CAMK1D: variants seen among roughly 807,000 people sequenced by gnomAD.
CAMK1D encodes the protein calcium/calmodulin dependent protein kinase ID, also known as calcium/calmodulin-dependent protein kinase type 1D.
In CAMK1D, 9 loss-of-function variants were observed where a neutral mutation model predicts 47.7. That is an observed-to-expected ratio of 0.19 (90% CI 0.11 to 0.33). The LOEUF (loss-of-function observed/expected upper bound fraction) is 0.33. Ranked by LOEUF, CAMK1D falls within the 10% of genes least tolerant of loss-of-function variation. CAMK1D has a pLI of 1.00. For synonymous variants in CAMK1D, 184 were observed against 184.9 expected, an observed-to-expected ratio of 0.99 and a Z score of 0.04; for missense variants, 291 against 488.7, an observed-to-expected ratio of 0.60 and a Z score of 3.81.
intron 1 of CAMK1D, among the ~76,000 whole-genome samples, chr10:12,536,255 C>G (rs1005867716): frequency 1.3e-5 from 2 of 151,668 alleles, no homozygotes; most frequent in African/African-American, 4.8e-5. Flanking sequence ...AGTTATGGAT[C>G]TAGCCATACT....
At chr10:12,406,985 A>G (rs1397316083) in intron 1 of CAMK1D, among the ~76,000 whole-genome samples, 1 of 152,134 alleles carries the variant, frequency 6.6e-6, no homozygotes, top group East Asian at 1.9e-4. Context: ...TTTCTAGGGA[A>G]GGCTCCCTCT....
chr10:12,824,617 G>A (rs1469739415), intron 9 of CAMK1D, 65 bp downstream of exon 9: 3 of 1,286,114 alleles, frequency 2.3e-6, no homozygotes, highest in Admixed American at 3.7e-5. Context: ...CCTCCAATCT[G>A]AGCATTTCTG....
intron 2 of CAMK1D, 26 bp from the exon 3 acceptor site, chr10:12,666,710 T>C: frequency 6.3e-7 from 1 of 1,582,272 alleles, no homozygotes; most frequent in Non-Finnish European, 8.7e-7. Context: ...ATACTCACTA[T>C]TTTGTGCGTC....
intron 1 of CAMK1D, among the ~76,000 whole-genome samples, chr10:12,546,628 C>A (rs1414883201): frequency 6.6e-6 from 1 of 151,894 alleles, no homozygotes; most frequent in Non-Finnish European, 1.5e-5. Flanking sequence ...TACTATGCAG[C>A]CATAAAAAAT....
Position 12,804,747 on chromosome 10 carries a change from A to C in CAMK1D, c.642-9448A>C, listed in dbSNP as rs12573521. 8.9e-3 allele frequency among the ~76,000 whole-genome samples: 1,334 copies of C among 150,224 alleles called. 24 individuals are homozygous for C. Among genetic ancestry groups the C allele is most frequent in the Middle Eastern group, 0.058 (17 of 292 alleles). On this transcript the variant is annotated intron_variant, in intron 6 of 10. Coordinates refer to ENST00000619168, the MANE Select transcript of CAMK1D (RefSeq NM_153498.4). ...CTAGGAGTTCGAGACCAGCCTGGGC[A>C]ACACAGCAAGACCCTGTCTGTACCA...
chr10:12,530,649 G>A (rs1219696742), intron 1 of CAMK1D, among the ~76,000 whole-genome samples: 1 of 152,202 alleles, frequency 6.6e-6, no homozygotes, highest in Non-Finnish European at 1.5e-5. Context: ...TGGCCTCGGG[G>A]TCTGGGGAGG....
At chr10:12,596,893 C>CCATT (rs1838162430) in intron 2 of CAMK1D, among the ~76,000 whole-genome samples, 1 of 151,418 alleles carries the variant, frequency 6.6e-6, no homozygotes, top group Admixed American at 6.6e-5. Flanking sequence ...TTTTAGGTGT[C>CCATT]TTTATTAACA....
chr10:12,542,187 GT>G (rs1836218414), intron 1 of CAMK1D, among the ~76,000 whole-genome samples: 1 of 152,110 alleles, frequency 6.6e-6, no homozygotes, highest in African/African-American at 2.4e-5. Flanking sequence ...GCTTTTCAGT[GT>G]TTTAAAACCA....
At chr10:12,606,177 C>T (rs1016638874) in intron 2 of CAMK1D, among the ~76,000 whole-genome samples, 7 of 145,108 alleles carry the variant, frequency 4.8e-5, no homozygotes, top group Middle Eastern at 3.5e-3. Flanking sequence ...TCCTGTGAGC[C>T]GCGGCTGCTC....
chr10:12,721,968 G>A lies in CAMK1D; in HGVS notation c.300-38980G>A, dbSNP rs377267167. The stretch of plus-strand genomic sequence containing the variant: ...TGCAGCAGGCTCTATAACAAGAGGG[G>A]GCTCTGTTTCCCTAAGTGAGGTAGC... On this transcript the variant is annotated intron_variant, in intron 3 of 10. Transcript: ENST00000619168. 1.2e-4 allele frequency among the ~76,000 whole-genome samples: 19 copies of A among 152,240 alleles called. 1 individual carries two copies. Among genetic ancestry groups the A allele is most frequent in the Admixed American group, 7.2e-4 (11 of 15,292 alleles).
intron 1 of CAMK1D, among the ~76,000 whole-genome samples, chr10:12,525,040 G>A (rs1835573266): frequency 6.6e-6 from 1 of 152,036 alleles, no homozygotes; most frequent in Non-Finnish European, 1.5e-5. Context: ...AATCTTTAAG[G>A]ATTTTTTTCC....
At chr10:12,492,361 A>T (rs1030073743) in intron 1 of CAMK1D, among the ~76,000 whole-genome samples, 1 of 151,802 alleles carries the variant, frequency 6.6e-6, no homozygotes, top group African/African-American at 2.4e-5. Flanking sequence ...AAAAAAAAAA[A>T]AAAAGAAAAG....
intron 3 of CAMK1D, among the ~76,000 whole-genome samples, chr10:12,674,599 CTTTTTT>C (rs11391139): frequency 7.9e-5 from 5 of 63,472 alleles, no homozygotes; most frequent in Non-Finnish European, 1.4e-4. Flanking sequence ...TGGAAAAATG[CTTTTTT>C]TTTTTTTTTT....
intron 2 of CAMK1D, among the ~76,000 whole-genome samples, chr10:12,662,135 C>T (rs141042019): frequency 2.0e-3 from 309 of 152,254 alleles, no homozygotes; most frequent in African/African-American, 7.0e-3. Flanking sequence ...TGTAACCTTC[C>T]ATTTAAAATT....
chr10:12,616,001 TTG>T (rs1042208570), intron 2 of CAMK1D, among the ~76,000 whole-genome samples: 14 of 149,346 alleles, frequency 9.4e-5, no homozygotes, highest in African/African-American at 3.0e-4. Flanking sequence ...ATAGGTGTGT[TTG>T]TGGGTGTGCA....
chr10:12,440,270 A>G (rs1242084692), intron 1 of CAMK1D, among the ~76,000 whole-genome samples: 1 of 147,000 alleles, frequency 6.8e-6, no homozygotes, highest in African/African-American at 2.5e-5. Flanking sequence ...TTCCAACTAT[A>G]CGTTAGTCTT....
chr10:12,373,390 G>C (rs764464112), intron 1 of CAMK1D, among the ~76,000 whole-genome samples: 3 of 152,024 alleles, frequency 2.0e-5, no homozygotes, highest in Non-Finnish European at 4.4e-5. Context: ...CCAGCACTTT[G>C]GGAAGCCAAC....
chr10:12,768,220 G>T (rs1227714918), intron 4 of CAMK1D, among the ~76,000 whole-genome samples: 3 of 152,148 alleles, frequency 2.0e-5, no homozygotes, highest in Admixed American at 2.0e-4. Context: ...TTCCTTACTG[G>T]CGAATCATGA....
At chr10:12,457,881 A>G (rs988877364) in intron 1 of CAMK1D, among the ~76,000 whole-genome samples, 20 of 152,188 alleles carry the variant, frequency 1.3e-4, no homozygotes, top group Non-Finnish European at 2.8e-4. Flanking sequence ...ACAAGTTATA[A>G]TAAAATGCTC....
Sources: allele counts gnomAD v4.1 joint callset (sites outside exome capture counted in the v4.1 genomes callset), GRCh38; gene constraint gnomAD v4.1.1; transcripts MANE v1.5; gene names NCBI Gene and HGNC (gene_info 2026-07-23, HGNC 2026-07-21).